ETV6: variants seen among roughly 807,000 people sequenced by gnomAD.
ETV6 encodes transcription factor ETV6.
ETV6 carries 16 observed loss-of-function variants against 51.1 expected under a neutral mutation model. The ratio of observed to expected loss-of-function variants is 0.31; its 90% confidence interval spans 0.21 to 0.48. The LOEUF (loss-of-function observed/expected upper bound fraction) is 0.48, where lower values mean the gene tolerates loss of function less well. Ranked by LOEUF, ETV6 falls within the 20% of genes least tolerant of loss-of-function variation. The pLI, the probability that ETV6 is intolerant of heterozygous loss-of-function variation, is 0.99. For synonymous variants in ETV6, 240 were observed against 224.1 expected (o/e 1.07, Z -0.64); for missense variants, 458 against 594.8 (o/e 0.77, Z 2.39).
At chr12:11,840,616 G>A in intron 3 of ETV6, 1 of 418,998 alleles carries the variant, frequency 2.4e-6, no homozygotes, top group Non-Finnish European at 4.8e-6. Context: ...CAGGAGATGA[G>A]ATAAAGCCCC....
At chr12:11,752,650 A>G in intron 2 of ETV6, 71 bp downstream of exon 2, 1 of 1,537,718 alleles carries the variant, frequency 6.5e-7, no homozygotes, top group East Asian at 2.3e-5. Context: ...AGTGGGCTCC[A>G]GGCCAGAGAG....
rs115137255 is a variant in ETV6 at position 11,795,478 on chromosome 12, A to G, written c.163+42899A>G. The stretch of plus-strand genomic sequence containing the variant: ...CAAGGAAACCAGGCCAATAGAGCCA[A>G]AGTGAACAATTTCAGTCATCATTGG... On this transcript the variant is annotated intron_variant, in intron 2 of 7. Transcript: ENST00000396373. Among the ~76,000 whole-genome samples, 1,022 of 152,384 alleles carry G rather than the reference A, an allele frequency of 6.7e-3. 8 individuals carry two copies. The highest frequency in any genetic ancestry group is 0.023 in the African/African-American group (968 of 41,588).
In ETV6 at chr12:11,768,244, G is replaced by A. The variant is rs553074451; in HGVS notation, c.163+15665G>A. ...AATTTTGCCTCAGTCTTCTAAGCAC[G>A]CTTTTTGATTGGAGAAAACCAAGGT... On this transcript the variant is annotated intron_variant, in intron 2 of 7. Coordinates refer to ENST00000396373, the MANE Select transcript of ETV6 (RefSeq NM_001987.5). Among the ~76,000 whole-genome samples, 8 of 152,174 alleles carry A rather than the reference G, an allele frequency of 5.3e-5. No individual in the cohort carries two copies. In the East Asian group the frequency reaches 5.8e-4, roughly 11 times the overall value.
intron 1 of ETV6, among the ~76,000 whole-genome samples, chr12:11,705,856 A>G (rs1865064446): frequency 6.6e-6 from 1 of 152,268 alleles, no homozygotes; most frequent in African/African-American, 2.4e-5. Context: ...GCCAGGAGTC[A>G]GTTCAGCTGC....
intron 3 of ETV6, among the ~76,000 whole-genome samples, chr12:11,851,235 C>CT (rs34416101): frequency 0.35 from 51,216 of 147,430 alleles, 9,556 homozygotes; most frequent in African/African-American, 0.51. Flanking sequence ...ATTACTGGAC[C>CT]TTTTTTTTTT....
At chr12:11,680,567 T>TTA (rs1431180148) in intron 1 of ETV6, among the ~76,000 whole-genome samples, 1 of 152,220 alleles carries the variant, frequency 6.6e-6, no homozygotes, top group Non-Finnish European at 1.5e-5. Context: ...CAGCCAAGGA[T>TTA]TAACTCTCTC....
At chr12:11,756,769 C>A (rs1028282557) in intron 2 of ETV6, among the ~76,000 whole-genome samples, 10 of 152,218 alleles carry the variant, frequency 6.6e-5, no homozygotes, top group African/African-American at 2.4e-4. Flanking sequence ...GAGGTGCTGC[C>A]AGCCTGCTCA....
chr12:11,756,403 T>C (rs1945008506), intron 2 of ETV6, among the ~76,000 whole-genome samples: 1 of 152,314 alleles, frequency 6.6e-6, no homozygotes, highest in African/African-American at 2.4e-5. Context: ...CTTCCTCTTC[T>C]TCCATAAAGG....
chr12:11,861,941 T>C (rs911270909), intron 4 of ETV6, among the ~76,000 whole-genome samples: 3 of 152,158 alleles, frequency 2.0e-5, no homozygotes, highest in African/African-American at 7.2e-5. Flanking sequence ...CAAAGGAGAC[T>C]CCCCTATACT....
At chr12:11,802,014 G>T (rs915550600) in intron 2 of ETV6, among the ~76,000 whole-genome samples, 7 of 152,184 alleles carry the variant, frequency 4.6e-5, no homozygotes, top group Non-Finnish European at 1.0e-4. Context: ...TGGTGGAGGG[G>T]AGCAGAGCGA....
At chr12:11,695,155 C>G (rs991484800) in intron 1 of ETV6, among the ~76,000 whole-genome samples, 1 of 152,126 alleles carries the variant, frequency 6.6e-6, no homozygotes, top group African/African-American at 2.4e-5. Context: ...CCAAATCTGG[C>G]CCAAATTCAT....
chr12:11,736,996 CTGCAGAGTTT>C (rs1296355690), intron 1 of ETV6, among the ~76,000 whole-genome samples: 3 of 152,190 alleles, frequency 2.0e-5, no homozygotes, highest in Non-Finnish European at 4.4e-5. Flanking sequence ...GTCCCTGTGC[CTGCAGAGTTT>C]TGATGATAAC....
intron 2 of ETV6, among the ~76,000 whole-genome samples, chr12:11,764,291 A>G (rs1945131935): frequency 6.6e-6 from 1 of 152,218 alleles, no homozygotes; most frequent in Admixed American, 6.5e-5. Context: ...GATAAGACAG[A>G]TGGAAAACTA....
At chr12:11,666,472 A>G (rs1260951420) in intron 1 of ETV6, among the ~76,000 whole-genome samples, 1 of 152,218 alleles carries the variant, frequency 6.6e-6, no homozygotes, top group Non-Finnish European at 1.5e-5. Context: ...TGCTGTTTAC[A>G]GTGGATAGCC....
chr12:11,719,971 A>AC, intron 1 of ETV6, among the ~76,000 whole-genome samples: 1 of 152,110 alleles, frequency 6.6e-6, no homozygotes, highest in East Asian at 1.9e-4. Context: ...GGCATCTTTT[A>AC]CCGCCCCCTC....
In ETV6 at chr12:11,851,948, A is replaced by C. The variant is rs74632557; in HGVS notation, c.329-1479A>C. ...GAAAAAATAATACAGCAATATCTTC[A>C]ATCCAAAATATGCCTTGAATTTAAG... On this transcript the variant is annotated intron_variant, in intron 3 of 7. Coordinates refer to ENST00000396373, the MANE Select transcript of ETV6 (RefSeq NM_001987.5). Among the ~76,000 whole-genome samples the C allele has an allele frequency of 7.9e-3, 1,206 of 152,340 alleles. 21 individuals carry two copies. Among genetic ancestry groups the C allele is most frequent in the African/African-American group, 0.028 (1,149 of 41,558 alleles).
In ETV6 at chr12:11,782,242, A is replaced by G. The variant is rs57312986; in HGVS notation, c.163+29663A>G. On this transcript the variant is annotated intron_variant, in intron 2 of 7. Transcript: ENST00000396373. ...TGGCAAATCTAAAACCTTCTACTTC[A>G]GCTTAGGCAAGACATCTTCTTGGGT... Among the ~76,000 whole-genome samples, 1,248 of 152,196 alleles carry G rather than the reference A, an allele frequency of 8.2e-3. 9 individuals are homozygous for G. Among genetic ancestry groups the G allele is most frequent in the African/African-American group, 0.028 (1,181 of 41,520 alleles).
chr12:11,830,923 A>T (rs1946235032), intron 2 of ETV6, among the ~76,000 whole-genome samples: 1 of 152,268 alleles, frequency 6.6e-6, no homozygotes, highest in Non-Finnish European at 1.5e-5. Context: ...ACATGATTTT[A>T]GGATTGGGGA....
intron 2 of ETV6, among the ~76,000 whole-genome samples, chr12:11,799,743 C>T (rs768741834): frequency 6.6e-6 from 1 of 152,082 alleles, no homozygotes; most frequent in South Asian, 2.1e-4. Context: ...CATTCAAGTG[C>T]CTGATGTGTG....
Sources: gnomAD v4.1 joint callset for allele counts (sites outside exome capture counted in the v4.1 genomes callset) on GRCh38, gnomAD v4.1.1 for gene constraint, MANE v1.5 for transcripts, NCBI Gene and HGNC (gene_info 2026-07-23, HGNC 2026-07-21) for gene names.